NCEH1: variants seen among roughly 807,000 people sequenced by gnomAD.
The protein encoded by NCEH1 is 2-acetyl MAGE hydrolase.
In NCEH1, 9 loss-of-function variants were observed where a neutral mutation model predicts 25.4. The observed-to-expected ratio is 0.35, with a 90% CI of 0.21 to 0.62. The LOEUF (loss-of-function observed/expected upper bound fraction) is 0.62, where lower values mean the gene tolerates loss of function less well. Ranked by LOEUF, NCEH1 falls within the 20% of genes least tolerant of loss-of-function variation. The pLI is 0.72. For missense variants in NCEH1, 412 were observed against 501.1 expected, an observed-to-expected ratio of 0.82 and a Z score of 1.70; for synonymous variants, 200 against 199.8, an observed-to-expected ratio of 1.00 and a Z score of -0.01.
intron 1 of NCEH1, among the ~76,000 whole-genome samples, chr3:172,706,499 CTTTTTTTT>C: frequency 7.9e-6 from 1 of 126,466 alleles, no homozygotes; most frequent in South Asian, 2.7e-4. Context: ...TTACATTTTT[CTTTTTTTT>C]TTTTTTTTTT....
At chr3:172,668,777 CTAAT>C (rs566097220) in intron 1 of NCEH1, among the ~76,000 whole-genome samples, 2 of 152,220 alleles carry the variant, frequency 1.3e-5, no homozygotes, top group African/African-American at 4.8e-5. Flanking sequence ...ACATAAAACT[CTAAT>C]TGATACTAGG....
chr3:172,701,449 C>CTTTTTTTTTTTTTTT lies in NCEH1; in HGVS notation c.138+9383_138+9397dup, dbSNP rs10701435. Among the ~76,000 whole-genome samples, 84 of 110,932 alleles carry CTTTTTTTTTTTTTTT rather than the reference C, an allele frequency of 7.6e-4. 6 individuals are homozygous for CTTTTTTTTTTTTTTT. The highest frequency in any genetic ancestry group is 3.3e-3 in the African/African-American group (79 of 24,204). 72.8% of individuals were successfully genotyped at this position (110,932 alleles called of 152,430 possible). A position where few individuals can be genotyped will look rare whatever the true frequency, so the allele number is the denominator to read the frequency against. ...TAGTGCTTCCTAGATGGTCTTTTGC[C>CTTTTTTTTTTTTTTT]TTTTTTTTTTTTTTTTTAAAGACGG... On this transcript the variant is annotated intron_variant, in intron 1 of 4. Coordinates refer to ENST00000475381, the MANE Select transcript of NCEH1 (RefSeq NM_020792.6).
chr3:172,643,303 G>C (rs1283001648), intron 3 of NCEH1, among the ~76,000 whole-genome samples: 2 of 152,070 alleles, frequency 1.3e-5, no homozygotes, highest in Non-Finnish European at 1.5e-5. Flanking sequence ...GAACTCCTGG[G>C]CTCAAGTAAT....
intron 1 of NCEH1, among the ~76,000 whole-genome samples, chr3:172,681,393 A>T (rs967638503): frequency 6.6e-6 from 1 of 152,068 alleles, no homozygotes; most frequent in African/African-American, 2.4e-5. Context: ...GTCTTGCCCC[A>T]AATTTTCAAA....
intron 1 of NCEH1, among the ~76,000 whole-genome samples, chr3:172,679,474 C>A (rs2108519088): frequency 6.6e-6 from 1 of 152,212 alleles, no homozygotes; most frequent in Non-Finnish European, 1.5e-5. Context: ...TCTCCAATGT[C>A]TATAATATTC....
intron 1 of NCEH1, chr3:172,681,056 G>C (rs1349871891): frequency 2.0e-5 from 3 of 151,586 alleles, no homozygotes; most frequent in Non-Finnish European, 4.4e-5. Flanking sequence ...CGTGAACTCA[G>C]TGGCGAAATA....
intron 1 of NCEH1, among the ~76,000 whole-genome samples, chr3:172,690,350 T>C (rs992131250): frequency 5.9e-5 from 9 of 152,222 alleles, no homozygotes; most frequent in African/African-American, 2.2e-4. Flanking sequence ...AATTTTAATG[T>C]CAACTCTTTT....
chr3:172,694,996 T>C (rs3733025), intron 1 of NCEH1, among the ~76,000 whole-genome samples: 19,006 of 152,286 alleles, frequency 0.12, 1,379 homozygotes, highest in Non-Finnish European at 0.17. Context: ...GTCTTGTGAA[T>C]TGCTATATCC....
At chr3:172,689,091 T>C (rs376209792) in intron 1 of NCEH1, among the ~76,000 whole-genome samples, 115 of 152,266 alleles carry the variant, frequency 7.6e-4, no homozygotes, top group South Asian at 1.5e-3. Context: ...CGGGGACAAA[T>C]GCTCCTTGCC....
rs144870875 is a variant in NCEH1 at position 172,679,100 on chromosome 3, A to G, written c.139-30986T>C. On this transcript the variant is annotated intron_variant, in intron 1 of 4. Coordinates refer to ENST00000475381, the MANE Select transcript of NCEH1 (RefSeq NM_020792.6). ...ACTGGCTAGCAACTTAGAACTTTTA[A>G]AAAGAGGCACAGGTACAGGAGAACA... 3.4e-3 allele frequency among the ~76,000 whole-genome samples: 522 copies of G among 152,300 alleles called. 3 individuals carry two copies. The highest frequency in any genetic ancestry group is 0.012 in the African/African-American group (508 of 41,552).
intron 3 of NCEH1, among the ~76,000 whole-genome samples, chr3:172,638,885 C>T (rs1026884557): frequency 6.6e-6 from 1 of 152,196 alleles, no homozygotes. Flanking sequence ...TGCTTAAAAA[C>T]AAACAGGTTA....
chr3:172,662,014 A>G (rs1314665820), intron 1 of NCEH1, among the ~76,000 whole-genome samples: 7 of 143,348 alleles, frequency 4.9e-5, no homozygotes, highest in African/African-American at 2.8e-5. Flanking sequence ...GTTGAATAGG[A>G]GTGGTGAGAG....
intron 1 of NCEH1, among the ~76,000 whole-genome samples, chr3:172,653,735 G>GTTTTTGT (rs780071347): frequency 4.2e-5 from 3 of 71,024 alleles, no homozygotes; most frequent in Non-Finnish European, 5.7e-5. Context: ...TTGTTGTTCT[G>GTTTTTGT]TTTTTTTTGT....
chr3:172,654,910 ATTTATC>A (rs1717618983), intron 1 of NCEH1, among the ~76,000 whole-genome samples: 1 of 152,190 alleles, frequency 6.6e-6, no homozygotes, highest in Non-Finnish European at 1.5e-5. Flanking sequence ...TGGAACATTT[ATTTATC>A]TGCATGAAAA....
At chr3:172,648,194 T>A in intron 1 of NCEH1, 80 bp from the exon 2 acceptor site, 1 of 1,522,330 alleles carries the variant, frequency 6.6e-7, no homozygotes, top group Non-Finnish European at 9.0e-7. Flanking sequence ...CAACTGAGTG[T>A]CTGAATTCCT....
intron 1 of NCEH1, among the ~76,000 whole-genome samples, chr3:172,653,756 TTTTG>T (rs1717548698): frequency 3.1e-5 from 3 of 96,938 alleles, no homozygotes; most frequent in African/African-American, 1.6e-4. Context: ...TTTTTTGTTT[TTTTG>T]TTTTTTTTTT....
Position 172,633,204 on chromosome 3 carries a change from A to G in NCEH1, c.*271T>C. The G allele has an allele frequency of 2.6e-6, 1 of 382,488 alleles. No individual in the cohort carries two copies. The highest frequency in any genetic ancestry group is 4.7e-6 in the Non-Finnish European group (1 of 211,130). 23.7% of individuals were successfully genotyped at this position (382,488 alleles called of 1,614,324 possible). On this transcript the variant is annotated 3_prime_UTR_variant, in exon 5 of 5. Coordinates refer to ENST00000475381, the MANE Select transcript of NCEH1 (RefSeq NM_020792.6). ...TCCAGTTCCTAGTCCTGCTTTCTGT[A>G]GCTGTAGGTATCAGTATAGTTGGCT...
At chr3:172,636,615 A>G (rs1560177688) in intron 3 of NCEH1, among the ~76,000 whole-genome samples, 1 of 152,198 alleles carries the variant, frequency 6.6e-6, no homozygotes, top group African/African-American at 2.4e-5. Context: ...CAAGAAATGC[A>G]TTCAATACCT....
chr3:172,710,613 A>T (rs57223659), intron 1 of NCEH1, among the ~76,000 whole-genome samples: 19,256 of 152,174 alleles, frequency 0.13, 1,930 homozygotes, highest in African/African-American at 0.27. Context: ...AATTCTATTC[A>T]AGCACTTCTT....
Sources: gnomAD v4.1 joint callset for allele counts (sites outside exome capture counted in the v4.1 genomes callset) on GRCh38, gnomAD v4.1.1 for gene constraint, MANE v1.5 for transcripts, NCBI Gene and HGNC (gene_info 2026-07-23, HGNC 2026-07-21) for gene names.